Variants in ALDH1L1 observed in about 807,000 individuals in gnomAD.
The protein encoded by ALDH1L1 is cytosolic 10-formyltetrahydrofolate dehydrogenase.
Under a neutral mutation model 101.1 loss-of-function variants are expected in ALDH1L1, and 68 were observed. That is an observed-to-expected ratio of 0.67 (90% confidence interval 0.55 to 0.82). The LOEUF (loss-of-function observed/expected upper bound fraction) is 0.82. ALDH1L1 is among the 40% of genes least tolerant of loss of function. The probability of loss-of-function intolerance (pLI) is 0.00; values close to 1 mark genes in which losing one functional copy is unlikely to be tolerated. For synonymous variants in ALDH1L1, 486 were observed against 470.8 expected (o/e 1.03, Z -0.42); for missense variants, 1,087 against 1,172.7 (o/e 0.93, Z 1.07).
chr3:126,114,335 A>C (rs2108192316), intron 18 of ALDH1L1, among the ~76,000 whole-genome samples: 1 of 152,338 alleles, frequency 6.6e-6, no homozygotes, highest in African/African-American at 2.4e-5. Context: ...AGTTGATCTC[A>C]GCTATCCTGG....
chr3:126,146,285 C>T (rs1391011281), intron 9 of ALDH1L1, among the ~76,000 whole-genome samples: 1 of 152,154 alleles, frequency 6.6e-6, no homozygotes, highest in African/African-American at 2.4e-5. Flanking sequence ...GAGACCCCCT[C>T]CCTGGGCTCC....
At chr3:126,113,033 T>G (rs1282231524) in intron 18 of ALDH1L1, among the ~76,000 whole-genome samples, 153 bp from the exon 19 acceptor site, 2 of 152,142 alleles carry the variant, frequency 1.3e-5, no homozygotes, top group Admixed American at 6.5e-5. Flanking sequence ...CTCAGTCACC[T>G]CAAGAGGAGA....
At chr3:126,153,719 T>C (rs2080852802) in intron 6 of ALDH1L1, 138 bp from the exon 7 acceptor site, 2 of 1,133,992 alleles carry the variant, frequency 1.8e-6, no homozygotes, top group Non-Finnish European at 2.4e-6. Flanking sequence ...TCAAAGCCCA[T>C]GTGACCCCTG....
Position 126,150,472 on chromosome 3 carries a change from A to C in ALDH1L1, c.918T>G (p.Phe306Leu). 6.4e-7 allele frequency: 1 copy of C among 1,551,570 alleles called. No homozygotes were observed. The highest frequency in any genetic ancestry group is 8.7e-7 in the Non-Finnish European group (1 of 1,146,940). Residue 306 changes from phenylalanine (F) to leucine (L), a missense_variant, in exon 8 of 23, where the codon TTT (phenylalanine) becomes TTG (leucine). By Grantham distance (22) the Phe-to-Leu change is conservative (BLOSUM62 0). Coordinates refer to ENST00000393434, the MANE Select transcript of ALDH1L1 (RefSeq NM_012190.4). ...CAAGGACACTGCTGGCTGCCCCCTT[A>C]AAGAAGTTCGAGGCCAGGATCATTT... is the stretch of plus-strand genomic sequence containing the variant. ...DGKMILASNF[F>L]KGAASSVLEL...
chr3:126,192,573 G>A (rs1356090653), intron 1 of ALDH1L1, among the ~76,000 whole-genome samples: 6 of 152,182 alleles, frequency 3.9e-5, no homozygotes, highest in Non-Finnish European at 8.8e-5. Flanking sequence ...TGCTCTGCAG[G>A]AAACTTCATA....
chr3:126,113,734 C>T (rs1192084952), intron 18 of ALDH1L1, among the ~76,000 whole-genome samples: 1 of 152,314 alleles, frequency 6.6e-6, no homozygotes, highest in South Asian at 2.1e-4. Context: ...TAGATAGGGC[C>T]GGGGGCATAT....
At position 126,158,594 on chromosome 3, in the gene ALDH1L1, C is replaced by G. The variant is rs371570045; in HGVS notation, c.173G>C (p.Arg58Pro). The part of the protein sequence containing the change: ...KDGVPVFKYS[R>P]WRAKGQALPD... ...CAAAGCCTGTCCTTTTGCACGCCAC[C>G]GGGAGTACTTGAATACCGGCACTCC... Residue 58 changes from arginine to proline, a missense_variant, in exon 3 of 23, where the codon CGG (arginine) becomes CCG (proline). Physicochemically the swap from Arg to Pro is moderately radical, Grantham distance 103. This residue lies in a region of ALDH1L1 where 645 missense variants were observed against 637.0 expected (regional missense o/e 1.01). Coordinates refer to ENST00000393434, the MANE Select transcript of ALDH1L1 (RefSeq NM_012190.4). The G allele has an allele frequency of 6.2e-7, 1 of 1,613,936 alleles. No homozygotes were observed. Among genetic ancestry groups the G allele is most frequent in the Non-Finnish European group, 8.5e-7 (1 of 1,179,896 alleles).
At chr3:126,158,744 G>A (rs1277756681) in intron 2 of ALDH1L1, 105 bp from the exon 3 acceptor site, 7 of 1,080,386 alleles carry the variant, frequency 6.5e-6, no homozygotes, top group African/African-American at 1.6e-5. Flanking sequence ...CTCCATTCCT[G>A]CCCCCTCACC....
intron 19 of ALDH1L1, among the ~76,000 whole-genome samples, chr3:126,112,227 G>A (rs1429530359): frequency 6.6e-6 from 1 of 152,206 alleles, no homozygotes; most frequent in Non-Finnish European, 1.5e-5. Context: ...AGATCCCCGA[G>A]GCCATGCAAG....
chr3:126,169,601 C>G (rs576568802), intron 1 of ALDH1L1, among the ~76,000 whole-genome samples: 129 of 152,236 alleles, frequency 8.5e-4, no homozygotes, highest in African/African-American at 3.0e-3. Context: ...GGCCAGGAAC[C>G]CCAAGTTATC....
chr3:126,192,627 T>C (rs1401527063), intron 1 of ALDH1L1, among the ~76,000 whole-genome samples: 1 of 152,214 alleles, frequency 6.6e-6, no homozygotes, highest in Admixed American at 6.5e-5. Flanking sequence ...AGTGAGTTAC[T>C]AGAAGAGTGT....
At chr3:126,113,008 GGGCCCCACTCAA>G (rs1367047652) in intron 18 of ALDH1L1, 128 bp from the exon 19 acceptor site, 1 of 755,888 alleles carries the variant, frequency 1.3e-6, no homozygotes, top group African/African-American at 1.7e-5. Flanking sequence ...CTCCTCCTGT[GGGCCCCACTCAA>G]TCCTCAGTCA....
chr3:126,183,037 TC>T (rs1291287824), upstream of ALDH1L1, among the ~76,000 whole-genome samples: 1 of 152,166 alleles, frequency 6.6e-6, no homozygotes, highest in African/African-American at 2.4e-5. Flanking sequence ...ACAAATGGCT[TC>T]CAGGCAAAGA....
chr3:126,111,077 C>T (rs776952642), intron 19 of ALDH1L1, among the ~76,000 whole-genome samples: 12 of 152,230 alleles, frequency 7.9e-5, no homozygotes, highest in Non-Finnish European at 1.8e-4. Flanking sequence ...TCCAGTAGTC[C>T]CTGGGTCTGT....
At chr3:126,197,277 A>G (rs1267047753) in intron 1 of ALDH1L1, among the ~76,000 whole-genome samples, 1 of 152,224 alleles carries the variant, frequency 6.6e-6, no homozygotes, top group African/African-American at 2.4e-5. Flanking sequence ...GCCAGAAGGA[A>G]CTTGGTTTTC....
intron 15 of ALDH1L1, among the ~76,000 whole-genome samples, 176 bp from the exon 16 acceptor site, chr3:126,124,627 C>T (rs371317250): frequency 4.6e-5 from 7 of 152,264 alleles, no homozygotes; most frequent in South Asian, 2.1e-4. Flanking sequence ...CCTGCCCAGC[C>T]GGTGCGCCCA....
At chr3:126,178,029 C>A (rs1390732603) in intron 1 of ALDH1L1, among the ~76,000 whole-genome samples, 1 of 143,106 alleles carries the variant, frequency 7.0e-6, no homozygotes, top group African/African-American at 2.7e-5. Context: ...GGCAACAGAG[C>A]AAGACTGTTT....
At chr3:126,154,500 G>T in intron 6 of ALDH1L1, 54 bp downstream of exon 6, 1 of 1,539,110 alleles carries the variant, frequency 6.5e-7, no homozygotes, top group Non-Finnish European at 9.0e-7. Flanking sequence ...CAGTTTAATG[G>T]CCAGTGGGAT....
At chr3:126,155,972 G>A (rs1576468183) in intron 4 of ALDH1L1, 1 of 152,748 alleles carries the variant, frequency 6.5e-6, no homozygotes. Flanking sequence ...GAGGGAGAAG[G>A]AGAGCCAAGG....
Sources: gnomAD v4.1 joint callset for allele counts (sites outside exome capture counted in the v4.1 genomes callset) on GRCh38, gnomAD v4.1.1 for gene constraint, gnomAD v4.1.1 regional missense constraint, MANE v1.5 for transcripts, NCBI Gene and HGNC (gene_info 2026-07-23, HGNC 2026-07-21) for gene names.